SPATA16: variants seen among roughly 807,000 people sequenced by gnomAD.
The protein encoded by SPATA16 is spermatogenesis-associated protein 16.
A neutral mutation model predicts 63.3 loss-of-function variants in SPATA16; 36 were observed. The observed-to-expected ratio is 0.57, with a 90% CI of 0.44 to 0.75. SPATA16 has a LOEUF of 0.75. SPATA16 is among the 30% of genes least tolerant of loss of function. The probability of loss-of-function intolerance (pLI) is 0.00; values close to 1 mark genes in which losing one functional copy is unlikely to be tolerated. For missense variants in SPATA16, 646 were observed against 679.3 expected, an observed-to-expected ratio of 0.95 and a Z score of 0.54; for synonymous variants, 203 against 216.7, an observed-to-expected ratio of 0.94 and a Z score of 0.56.
intron 10 of SPATA16, among the ~76,000 whole-genome samples, chr3:172,891,663 T>C (rs1346600011): frequency 6.6e-6 from 1 of 152,230 alleles, no homozygotes; most frequent in Non-Finnish European, 1.5e-5. Context: ...TCTCTGGTGC[T>C]GTCTAACATC....
chr3:172,904,560 A>T (rs1035931105), intron 10 of SPATA16, among the ~76,000 whole-genome samples: 1 of 152,240 alleles, frequency 6.6e-6, no homozygotes, highest in Non-Finnish European at 1.5e-5. Context: ...TTCAGCCAAC[A>T]AAGCACTTAA....
rs563021495 is a variant in SPATA16 at position 173,113,540 on chromosome 3, G to A, written c.612+3580C>T. 5.3e-5 allele frequency among the ~76,000 whole-genome samples: 8 copies of A among 152,280 alleles called. No individual in the cohort carries two copies. The East Asian group carries it at 1.5e-3, about 29-fold the overall frequency. On this transcript the variant is annotated intron_variant, in intron 2 of 10. Transcript: ENST00000351008. ...AATCCTAAAAGACTAAAGTTGACAGGTTTTTGGAAGTTAAACTGTTGTCTT... is the reference window on the plus strand; with the variant it reads ...AATCCTAAAAGACTAAAGTTGACAGATTTTTGGAAGTTAAACTGTTGTCTT...
chr3:173,026,657 C>T (rs549682962), intron 3 of SPATA16, among the ~76,000 whole-genome samples: 4 of 151,836 alleles, frequency 2.6e-5, no homozygotes, highest in African/African-American at 9.6e-5. Context: ...GCAATTTTCC[C>T]GGCACTACTC....
At chr3:173,006,320 G>T (rs1306461333) in intron 4 of SPATA16, among the ~76,000 whole-genome samples, 1 of 152,210 alleles carries the variant, frequency 6.6e-6, no homozygotes, top group African/African-American at 2.4e-5. Context: ...ACTGCCCTGA[G>T]AATGGTGAAA....
At chr3:173,109,126 A>G (rs560200805) in intron 2 of SPATA16, among the ~76,000 whole-genome samples, 10 of 152,176 alleles carry the variant, frequency 6.6e-5, no homozygotes, top group South Asian at 2.1e-4. Context: ...CCCCTCTTCC[A>G]TACTCTACTA....
intron 8 of SPATA16, among the ~76,000 whole-genome samples, chr3:172,923,859 A>G (rs1003212112): frequency 2.0e-5 from 3 of 152,244 alleles, no homozygotes; most frequent in Non-Finnish European, 4.4e-5. Flanking sequence ...CAATAGCTCA[A>G]TAAGTGAAAT....
intron 5 of SPATA16, among the ~76,000 whole-genome samples, chr3:172,970,609 G>A (rs919869056): frequency 7.9e-5 from 12 of 152,132 alleles, no homozygotes; most frequent in Non-Finnish European, 1.0e-4. Context: ...AAATACTATA[G>A]AGCCTGGGCT....
At chr3:172,975,629 A>G (rs542098198) in intron 5 of SPATA16, among the ~76,000 whole-genome samples, 1 of 152,276 alleles carries the variant, frequency 6.6e-6, no homozygotes, top group South Asian at 2.1e-4. Flanking sequence ...GTTCCAGATT[A>G]TCTTAGGAAG....
chr3:173,125,156 T>TC (rs1234765799), intron 1 of SPATA16, among the ~76,000 whole-genome samples: 3 of 152,060 alleles, frequency 2.0e-5, no homozygotes, highest in Non-Finnish European at 2.9e-5. Context: ...GCCAACCACA[T>TC]CCCCCCAGTT....
At chr3:172,922,010 G>T (rs1450983685) in intron 8 of SPATA16, among the ~76,000 whole-genome samples, 1 of 152,082 alleles carries the variant, frequency 6.6e-6, no homozygotes, top group Non-Finnish European at 1.5e-5. Flanking sequence ...CACCTTGAAG[G>T]GTCTTAAAAA....
chr3:172,974,794 A>G (rs568308963), intron 5 of SPATA16, among the ~76,000 whole-genome samples: 1 of 152,194 alleles, frequency 6.6e-6, no homozygotes, highest in East Asian at 1.9e-4. Flanking sequence ...ACCTTCTCAA[A>G]CACTTTATTC....
chr3:173,108,313 G>A (rs1737667876), intron 2 of SPATA16, among the ~76,000 whole-genome samples: 1 of 151,968 alleles, frequency 6.6e-6, no homozygotes, highest in Non-Finnish European at 1.5e-5. Context: ...ATTATGTTCA[G>A]TATAAATTTT....
At chr3:173,029,971 T>C (rs1356562658) in intron 3 of SPATA16, among the ~76,000 whole-genome samples, 2 of 151,970 alleles carry the variant, frequency 1.3e-5, no homozygotes, top group African/African-American at 4.8e-5. Flanking sequence ...ATTAATAAAT[T>C]TGAAAAGCAT....
chr3:172,908,665 T>C (rs891103340), intron 10 of SPATA16, among the ~76,000 whole-genome samples: 2 of 152,192 alleles, frequency 1.3e-5, no homozygotes, highest in Non-Finnish European at 2.9e-5. Context: ...ACAGACCCTT[T>C]AACTATGTGG....
At chr3:173,100,683 C>A (rs1031118666) in intron 2 of SPATA16, among the ~76,000 whole-genome samples, 16 of 150,326 alleles carry the variant, frequency 1.1e-4, no homozygotes, top group Admixed American at 3.3e-4. Flanking sequence ...CACACACACA[C>A]ACACACACAC....
intron 5 of SPATA16, among the ~76,000 whole-genome samples, chr3:172,972,379 G>C (rs1734065660): frequency 6.6e-6 from 1 of 152,180 alleles, no homozygotes; most frequent in Admixed American, 6.6e-5. Flanking sequence ...TTGGAGCCAA[G>C]AGCTTGAATT....
intron 10 of SPATA16, among the ~76,000 whole-genome samples, chr3:172,890,787 TG>T (rs1332260592): frequency 6.6e-6 from 1 of 151,670 alleles, no homozygotes; most frequent in Non-Finnish European, 1.5e-5. Flanking sequence ...ATTATTTATA[TG>T]AAAACTATTC....
chr3:172,929,556 G>GTC (rs369069829), intron 6 of SPATA16, among the ~76,000 whole-genome samples: 57 of 149,946 alleles, frequency 3.8e-4, no homozygotes, highest in Admixed American at 1.2e-3. Context: ...TTCAGTAGTA[G>GTC]TCTCTCTCTC....
chr3:173,141,018 C>T (rs1189836811), intron 1 of SPATA16, 85 bp downstream of exon 1: 2 of 152,366 alleles, frequency 1.3e-5, no homozygotes, highest in African/African-American at 4.8e-5. Flanking sequence ...TCCATCTTCA[C>T]CTGAGGGTCA....
Sources: gnomAD v4.1 joint callset for allele counts (sites outside exome capture counted in the v4.1 genomes callset) on GRCh38, gnomAD v4.1.1 for gene constraint, MANE v1.5 for transcripts, NCBI Gene and HGNC (gene_info 2026-07-23, HGNC 2026-07-21) for gene names.